The following NCKAP5 variants were observed in gnomAD, a reference collection of about 807,000 sequenced individuals.
NCKAP5 encodes nck-associated protein 5.
A neutral mutation model predicts 167.0 loss-of-function variants in NCKAP5; 92 were observed. The ratio of observed to expected loss-of-function variants is 0.55; its 90% CI spans 0.47 to 0.66. NCKAP5 has a LOEUF of 0.66. Among genes scored for constraint, NCKAP5 ranks in the 30% least tolerant of loss-of-function variants. NCKAP5 has a pLI of 0.00. For missense variants in NCKAP5, 2,378 were observed against 2,315.0 expected (o/e 1.03, Z -0.56); for synonymous variants, 891 against 877.4 (o/e 1.02, Z -0.27).
intron 5 of NCKAP5, among the ~76,000 whole-genome samples, chr2:133,157,569 T>C (rs2083620996): frequency 6.6e-6 from 1 of 152,220 alleles, no homozygotes; most frequent in Non-Finnish European, 1.5e-5. Flanking sequence ...TCTTTGTTTC[T>C]AAGGAGTATT....
At chr2:132,945,330 G>T (rs902422854) in intron 8 of NCKAP5, among the ~76,000 whole-genome samples, 74 of 152,260 alleles carry the variant, frequency 4.9e-4, no homozygotes, top group African/African-American at 1.7e-3. Context: ...CACAGTCAGG[G>T]GTTTCTCCAA....
At chr2:133,056,902 A>G (rs781484117) in intron 6 of NCKAP5, among the ~76,000 whole-genome samples, 11 of 152,148 alleles carry the variant, frequency 7.2e-5, no homozygotes, top group Non-Finnish European at 1.3e-4. Flanking sequence ...TTTTTTTTTA[A>G]ACAAATCAAT....
At chr2:133,278,609 C>T (rs187790254) in intron 4 of NCKAP5, among the ~76,000 whole-genome samples, 24 of 152,154 alleles carry the variant, frequency 1.6e-4, no homozygotes, top group African/African-American at 5.8e-4. Context: ...AAATTCTAAG[C>T]ATTCTGATAT....
chr2:132,893,851 A>G (rs1169078885), intron 8 of NCKAP5, among the ~76,000 whole-genome samples: 1 of 152,196 alleles, frequency 6.6e-6, no homozygotes, highest in East Asian at 1.9e-4. Context: ...TTTTGGGCAT[A>G]CAAATGTGCA....
At chr2:132,766,741 A>G (rs1447963694) in intron 16 of NCKAP5, among the ~76,000 whole-genome samples, 1 of 152,218 alleles carries the variant, frequency 6.6e-6, no homozygotes, top group Non-Finnish European at 1.5e-5. Context: ...CAAAGAAACA[A>G]CCACAGCCAT....
Position 133,106,553 on chromosome 2 carries a change from C to T in NCKAP5, c.341+23425G>A, listed in dbSNP as rs752439106. 8.5e-5 allele frequency among the ~76,000 whole-genome samples: 13 copies of T among 152,162 alleles called. No homozygotes were observed. In the Middle Eastern group the frequency reaches 0.01, roughly 119 times the overall value. ...AAATGCTTCTCATTCATGCAGATCCCGAGTAAAGGTCACCCTGTTTCTGAA... is the reference window on the plus strand; with the variant it reads ...AAATGCTTCTCATTCATGCAGATCCTGAGTAAAGGTCACCCTGTTTCTGAA... On this transcript the variant is annotated intron_variant, in intron 6 of 19. Coordinates refer to ENST00000409261, the MANE Select transcript of NCKAP5 (RefSeq NM_207363.3).
At chr2:133,571,830 C>G (rs1310013569), upstream of NCKAP5, among the ~76,000 whole-genome samples, 2 of 152,150 alleles carry the variant, frequency 1.3e-5, no homozygotes, top group Non-Finnish European at 2.9e-5. Context: ...ACAACTGCCC[C>G]TTCTTCAGCA....
At chr2:132,772,666 G>A (rs1409423666) in intron 16 of NCKAP5, among the ~76,000 whole-genome samples, 1 of 151,350 alleles carries the variant, frequency 6.6e-6, no homozygotes, top group Non-Finnish European at 1.5e-5. Flanking sequence ...AATAAAGGAT[G>A]TCCTTTTGGA....
chr2:133,234,989 G>A (rs914098088), intron 4 of NCKAP5, among the ~76,000 whole-genome samples: 1 of 147,458 alleles, frequency 6.8e-6, no homozygotes, highest in African/African-American at 2.5e-5. Context: ...CATAAGTCTC[G>A]ACTGAGGGAC....
At chr2:132,705,672 G>GAA (rs112430751) in intron 19 of NCKAP5, among the ~76,000 whole-genome samples, 2 of 149,738 alleles carry the variant, frequency 1.3e-5, no homozygotes, top group African/African-American at 4.9e-5. Context: ...GGGAGAAAAT[G>GAA]AAAAAAAAAT....
intron 11 of NCKAP5, among the ~76,000 whole-genome samples, chr2:132,845,108 C>CCTGTTAA (rs769683559): frequency 6.6e-6 from 1 of 152,120 alleles, no homozygotes; most frequent in Non-Finnish European, 1.5e-5. Flanking sequence ...TGTTTCCTCT[C>CCTGTTAA]CTGTTAACTG....
rs1684516502 is a variant in NCKAP5 at position 133,521,965 on chromosome 2, T to C, written c.-61-4378A>G. ...CCAGACTCCACACCTCTCTGCTTGTTATGTGACTGTTGGATCTTACTGCCC... is the reference window on the plus strand; with the variant it reads ...CCAGACTCCACACCTCTCTGCTTGTCATGTGACTGTTGGATCTTACTGCCC... On this transcript the variant is annotated intron_variant, in intron 2 of 19. Coordinates refer to ENST00000409261, the MANE Select transcript of NCKAP5 (RefSeq NM_207363.3). 2.0e-5 allele frequency among the ~76,000 whole-genome samples: 3 copies of C among 152,176 alleles called. No individual in the cohort carries two copies. In the South Asian group the frequency reaches 6.2e-4, roughly 31 times the overall value.
At chr2:133,322,518 A>G (rs1341240332) in intron 3 of NCKAP5, among the ~76,000 whole-genome samples, 1 of 152,242 alleles carries the variant, frequency 6.6e-6, no homozygotes, top group East Asian at 1.9e-4. Flanking sequence ...TCTCTGTATT[A>G]CTGATGAGAA....
intron 5 of NCKAP5, among the ~76,000 whole-genome samples, chr2:133,178,497 C>G (rs547763725): frequency 2.8e-5 from 2 of 71,780 alleles, no homozygotes; most frequent in Admixed American, 4.5e-4. Flanking sequence ...ACAATGAGAC[C>G]CTGTCTCAAA....
intron 6 of NCKAP5, among the ~76,000 whole-genome samples, chr2:133,105,187 T>C (rs183856310): frequency 1.3e-5 from 2 of 152,382 alleles, no homozygotes; most frequent in Admixed American, 1.3e-4. Context: ...ACCTAAAATA[T>C]ACTTATTTCC....
chr2:132,842,624 C>T (rs1688370705), intron 11 of NCKAP5, among the ~76,000 whole-genome samples: 1 of 152,006 alleles, frequency 6.6e-6, no homozygotes, highest in Non-Finnish European at 1.5e-5. Flanking sequence ...ACCATCATGG[C>T]TCACTGCCTC....
intron 4 of NCKAP5, among the ~76,000 whole-genome samples, chr2:133,233,178 C>A (rs2087233795): frequency 6.6e-6 from 1 of 152,164 alleles, no homozygotes; most frequent in South Asian, 2.1e-4. Context: ...CAACACAACT[C>A]CTTATACTTC....
intron 4 of NCKAP5, among the ~76,000 whole-genome samples, chr2:133,269,579 C>T (rs1189418414): frequency 6.6e-6 from 1 of 152,104 alleles, no homozygotes; most frequent in Non-Finnish European, 1.5e-5. Context: ...ACCTTGAGAA[C>T]AGGACACAGT....
intron 5 of NCKAP5, among the ~76,000 whole-genome samples, chr2:133,193,321 T>C (rs2085307503): frequency 6.6e-6 from 1 of 151,564 alleles, no homozygotes; most frequent in Non-Finnish European, 1.5e-5. Flanking sequence ...TAGAAATCTT[T>C]GTGTTTTGAC....
Sources: allele counts gnomAD v4.1 joint callset (sites outside exome capture counted in the v4.1 genomes callset), GRCh38; gene constraint gnomAD v4.1.1; transcripts MANE v1.5; gene names NCBI Gene and HGNC (gene_info 2026-07-23, HGNC 2026-07-21).